Variants in MAP3K7CL observed in about 807,000 individuals in gnomAD.
The protein encoded by MAP3K7CL is MAP3K7 C-terminal like.
A neutral mutation model predicts 18.6 loss-of-function variants in MAP3K7CL; 16 were observed. That is an observed-to-expected ratio of 0.86 (90% CI 0.58 to 1.31). MAP3K7CL has a LOEUF of 1.31. Among genes scored for constraint, MAP3K7CL ranks in the 50% most tolerant of loss-of-function variants. MAP3K7CL has a pLI of 0.00. For synonymous variants in MAP3K7CL, 65 were observed against 66.8 expected (o/e 0.97, Z 0.13); for missense variants, 163 against 174.4 (o/e 0.93, Z 0.37).
chr21:29,083,300 A>C (rs2085867634), upstream of MAP3K7CL, among the ~76,000 whole-genome samples: 1 of 86,972 alleles, frequency 1.1e-5, no homozygotes. Context: ...AATGCCGTGC[A>C]GCACATTCCC....
upstream of MAP3K7CL, among the ~76,000 whole-genome samples, chr21:29,129,457 A>C (rs2086738895): frequency 6.6e-6 from 1 of 152,194 alleles, no homozygotes; most frequent in African/African-American, 2.4e-5. Flanking sequence ...TTCAAGATTT[A>C]GCTTCTTTCA....
chr21:29,103,767 A>G (rs1282511914), intron 4 of MAP3K7CL, among the ~76,000 whole-genome samples: 1 of 150,800 alleles, frequency 6.6e-6, no homozygotes, highest in East Asian at 2.0e-4. Context: ...GCATGATGTT[A>G]TGCACCTGTA....
chr21:29,169,638 C>G lies in MAP3K7CL; in HGVS notation c.249-5074C>G, dbSNP rs533196806. On this transcript the variant is annotated intron_variant, in intron 4 of 4. Transcript: ENST00000399928. ...TTCCCAAATAAAAGTCCCTAGTTAA[C>G]TTTGAAAGGGCCAAGATCCCTTGTA... Among the ~76,000 whole-genome samples the G allele has an allele frequency of 3.4e-4, 52 of 152,278 alleles. 1 individual carries two copies. The highest frequency in any genetic ancestry group is 1.3e-3 in the African/African-American group (52 of 41,568).
intron 2 of MAP3K7CL, 142 bp from the exon 3 acceptor site, chr21:29,149,047 G>A: frequency 2.8e-6 from 2 of 722,838 alleles, no homozygotes; most frequent in South Asian, 1.8e-5. Context: ...GAGCAAAATT[G>A]TCCTTTACAT....
intron 4 of MAP3K7CL, among the ~76,000 whole-genome samples, chr21:29,125,469 T>C (rs2832197): frequency 0.48 from 72,828 of 152,058 alleles, 17,791 homozygotes; most frequent in East Asian, 0.67. Flanking sequence ...ACGAATGATA[T>C]AGGGTTGATC....
chr21:29,096,800 C>T (rs1008533511), intron 4 of MAP3K7CL, among the ~76,000 whole-genome samples: 1 of 152,200 alleles, frequency 6.6e-6, no homozygotes, highest in Non-Finnish European at 1.5e-5. Context: ...TCCGATCTAT[C>T]TCTTTGCTCT....
intron 2 of MAP3K7CL, among the ~76,000 whole-genome samples, chr21:29,145,892 A>T (rs1169200154): frequency 1.5e-5 from 2 of 129,174 alleles, no homozygotes; most frequent in Non-Finnish European, 3.4e-5. Flanking sequence ...CAAGGAGTCC[A>T]ATTTGAAGCT....
Position 29,144,012 on chromosome 21 carries a change from C to T in MAP3K7CL, c.71-5177C>T, listed in dbSNP as rs543660556. Among the ~76,000 whole-genome samples the T allele has an allele frequency of 7.9e-5, 12 of 152,078 alleles. No homozygotes were observed. The South Asian group carries it at 2.3e-3, about 29-fold the overall frequency. On this transcript the variant is annotated intron_variant, in intron 2 of 4. Coordinates refer to ENST00000399928, the MANE Select transcript of MAP3K7CL (RefSeq NM_001286620.2). ...TGGCCACTCCTTTACTCTATGATTGCCTTATGATTTTGGTGTTGAAATGTT... is the reference window on the plus strand; with the variant it reads ...TGGCCACTCCTTTACTCTATGATTGTCTTATGATTTTGGTGTTGAAATGTT...
upstream of MAP3K7CL, among the ~76,000 whole-genome samples, chr21:29,126,086 G>A (rs116752180): frequency 0.013 from 2,010 of 152,292 alleles, 37 homozygotes; most frequent in African/African-American, 0.046. Context: ...GAAGAAAGTG[G>A]CAGCAAAAGA....
At chr21:29,105,823 T>C (rs1286216834) in intron 4 of MAP3K7CL, among the ~76,000 whole-genome samples, 1 of 152,124 alleles carries the variant, frequency 6.6e-6, no homozygotes, top group East Asian at 1.9e-4. Flanking sequence ...GATGCTTGGA[T>C]AGAAAAAATG....
intron 1 of MAP3K7CL, among the ~76,000 whole-genome samples, chr21:29,079,904 G>T (rs2085808173): frequency 6.6e-6 from 1 of 152,222 alleles, no homozygotes; most frequent in Non-Finnish European, 1.5e-5. Flanking sequence ...TGAACTGGAT[G>T]AAAGTGATTG....
intron 4 of MAP3K7CL, among the ~76,000 whole-genome samples, chr21:29,122,678 C>G (rs188490433): frequency 6.6e-6 from 1 of 152,180 alleles, no homozygotes; most frequent in African/African-American, 2.4e-5. Flanking sequence ...ACTTCTCTGC[C>G]GCTCTGCTGC....
At chr21:29,150,387 G>T (rs1042276864) in intron 3 of MAP3K7CL, among the ~76,000 whole-genome samples, 1 of 152,160 alleles carries the variant, frequency 6.6e-6, no homozygotes, top group Non-Finnish European at 1.5e-5. Flanking sequence ...ACCAACTGAG[G>T]GTGACTCAGG....
At chr21:29,165,674 C>T (rs768309149) in intron 4 of MAP3K7CL, among the ~76,000 whole-genome samples, 19 of 152,266 alleles carry the variant, frequency 1.2e-4, no homozygotes, top group South Asian at 2.1e-4. Context: ...CAGGTTCAAG[C>T]GATCCTCCTA....
At chr21:29,108,078 A>C (rs1316513936) in intron 4 of MAP3K7CL, among the ~76,000 whole-genome samples, 1 of 152,214 alleles carries the variant, frequency 6.6e-6, no homozygotes, top group African/African-American at 2.4e-5. Flanking sequence ...AAGAGTATAC[A>C]TATTGTTATT....
upstream of MAP3K7CL, among the ~76,000 whole-genome samples, chr21:29,128,637 G>A (rs555674655): frequency 6.6e-6 from 1 of 152,304 alleles, no homozygotes; most frequent in East Asian, 1.9e-4. Context: ...TCCTGGTGTA[G>A]TGGAAGTAGC....
At chr21:29,125,627 T>C (rs1389781678) in intron 4 of MAP3K7CL, among the ~76,000 whole-genome samples, 1 of 152,208 alleles carries the variant, frequency 6.6e-6, no homozygotes, top group African/African-American at 2.4e-5. Context: ...TAAAAAGAAG[T>C]TCCTGGGGGA....
At chr21:29,128,739 G>A (rs73192192), upstream of MAP3K7CL, among the ~76,000 whole-genome samples, 26,568 of 152,054 alleles carry the variant, frequency 0.17, 2,686 homozygotes, top group South Asian at 0.23. Context: ...AATTGTCTGC[G>A]TCTCAATTTG....
At chr21:29,124,386 G>GTGTCACAT (rs2086649632) in intron 4 of MAP3K7CL, among the ~76,000 whole-genome samples, 1 of 146,830 alleles carries the variant, frequency 6.8e-6, no homozygotes, top group Non-Finnish European at 1.5e-5. Context: ...AAGAACACAT[G>GTGTCACAT]TGTCACATTT....
Sources: allele counts gnomAD v4.1 joint callset (sites outside exome capture counted in the v4.1 genomes callset), GRCh38; gene constraint gnomAD v4.1.1; transcripts MANE v1.5; gene names NCBI Gene and HGNC (gene_info 2026-07-23, HGNC 2026-07-21).